Variants in FOXP2 observed in about 807,000 individuals in gnomAD.
FOXP2 encodes forkhead box protein P2.
Under a neutral mutation model 115.8 loss-of-function variants are expected in FOXP2, and 12 were observed. The ratio of observed to expected loss-of-function variants is 0.10; its 90% CI spans 0.07 to 0.17. The LOEUF (loss-of-function observed/expected upper bound fraction) is 0.17. FOXP2 is among the 10% of genes least tolerant of loss of function. The pLI is 1.00. For synonymous variants in FOXP2, 328 were observed against 297.7 expected, an observed-to-expected ratio of 1.10 and a Z score of -1.05; for missense variants, 629 against 843.5, an observed-to-expected ratio of 0.75 and a Z score of 3.15.
intron 1 of FOXP2, among the ~76,000 whole-genome samples, chr7:114,126,841 A>G (rs574528087): frequency 6.6e-6 from 1 of 152,116 alleles, no homozygotes; most frequent in African/African-American, 2.4e-5. Flanking sequence ...GATTCTCCCA[A>G]TTCTCTCTCT....
intron 3 of FOXP2, among the ~76,000 whole-genome samples, chr7:114,594,264 T>C (rs10265071): frequency 0.11 from 17,257 of 152,018 alleles, 1,078 homozygotes; most frequent in Middle Eastern, 0.18. Flanking sequence ...AGTTCACCTA[T>C]TAAATTTGCT....
At chr7:114,263,457 G>A (rs191251163) in intron 1 of FOXP2, among the ~76,000 whole-genome samples, 93 of 100,680 alleles carry the variant, frequency 9.2e-4, no homozygotes, top group Non-Finnish European at 1.4e-3. Flanking sequence ...TCCTTTTTTG[G>A]TGTTTTTGTT....
intron 3 of FOXP2, among the ~76,000 whole-genome samples, chr7:114,559,602 G>T (rs528165523): frequency 4.7e-4 from 71 of 152,202 alleles, no homozygotes; most frequent in Middle Eastern, 3.4e-3. Context: ...TCTTATTTTG[G>T]CTGGGCGCGG....
chr7:114,170,523 G>A (rs1051517047), intron 1 of FOXP2, among the ~76,000 whole-genome samples: 6 of 152,300 alleles, frequency 3.9e-5, no homozygotes, highest in African/African-American at 1.4e-4. Flanking sequence ...ATGACAAACA[G>A]CCCAAAGTTC....
At position 114,121,488 on chromosome 7, in the gene FOXP2, T is replaced by C. The variant is rs189730914; in HGVS notation, c.-247+33650T>C. ...CCTGAGAAGTCTATAGGAAATCTAA[T>C]TGAAGATACCTAGTTGGCAGTGGAT... On this transcript the variant is annotated intron_variant, in intron 1 of 19. Transcript: ENST00000635638. Among the ~76,000 whole-genome samples the C allele has an allele frequency of 1.6e-4, 25 of 152,238 alleles. No individual in the cohort carries two copies. The East Asian group carries it at 2.7e-3, about 16-fold the overall frequency.
At position 114,520,575 on chromosome 7, in the gene FOXP2, T is replaced by A. The variant is rs536713789; in HGVS notation, c.169-14042T>A. Among the ~76,000 whole-genome samples, 4 of 152,222 alleles carry A rather than the reference T, an allele frequency of 2.6e-5. No individual in the cohort carries two copies. The South Asian group carries it at 6.2e-4, about 24-fold the overall frequency. On this transcript the variant is annotated intron_variant, in intron 2 of 16. Coordinates refer to ENST00000350908, the MANE Select transcript of FOXP2 (RefSeq NM_014491.4). ...AAGGAGTTAGAAAATAAATATTAGT[T>A]AAATGAATGAGTGAAATATCTGGTA...
chr7:114,148,710 AATC>A (rs1317731188), intron 1 of FOXP2, among the ~76,000 whole-genome samples: 2 of 152,180 alleles, frequency 1.3e-5, no homozygotes, highest in East Asian at 3.8e-4. Context: ...CATGGCTATC[AATC>A]ACATATAATG....
chr7:114,270,716 T>C (rs549761434), intron 1 of FOXP2, among the ~76,000 whole-genome samples: 1 of 152,260 alleles, frequency 6.6e-6, no homozygotes, highest in South Asian at 2.1e-4. Flanking sequence ...TAACAGTCCT[T>C]TATTAAATGT....
intron 2 of FOXP2, among the ~76,000 whole-genome samples, chr7:114,533,533 T>C (rs971170242): frequency 4.6e-5 from 7 of 151,946 alleles, no homozygotes; most frequent in African/African-American, 1.7e-4. Context: ...AAATTGTACT[T>C]TTTATCAGCT....
chr7:114,647,336 C>T (rs1237415530), intron 8 of FOXP2, among the ~76,000 whole-genome samples: 2 of 151,008 alleles, frequency 1.3e-5, no homozygotes, highest in Non-Finnish European at 3.0e-5. Context: ...AGGACAGTTG[C>T]TTATGTATAA....
intron 2 of FOXP2, among the ~76,000 whole-genome samples, chr7:114,322,157 G>A (rs891649681): frequency 3.3e-5 from 5 of 151,380 alleles, no homozygotes; most frequent in Admixed American, 3.3e-4. Context: ...TGAGTAACTG[G>A]AATTACAGGT....
At chr7:114,610,605 AC>A (rs1803573989) in intron 3 of FOXP2, among the ~76,000 whole-genome samples, 1 of 152,120 alleles carries the variant, frequency 6.6e-6, no homozygotes, top group Admixed American at 6.5e-5. Flanking sequence ...TAGTCAGTAA[AC>A]CTTATTGAAC....
At chr7:114,288,566 T>G (rs1264044099) in intron 2 of FOXP2, among the ~76,000 whole-genome samples, 3 of 151,754 alleles carry the variant, frequency 2.0e-5, no homozygotes, top group East Asian at 1.9e-4. Flanking sequence ...AGTAATGAAT[T>G]TTTTTCTAGA....
chr7:114,437,655 A>G (rs999003532), intron 2 of FOXP2, among the ~76,000 whole-genome samples: 12 of 152,216 alleles, frequency 7.9e-5, no homozygotes, highest in African/African-American at 2.9e-4. Context: ...TTTTACTAAT[A>G]ATAAAAGGCT....
rs112872455 is a variant in FOXP2, at chr7:114,230,593, A to G, written c.-101-57426A>G. ...TATGCAAATCAATAAATGTGATATA[A>G]CACATTAACAGATTGAAAGATAAAA... is the stretch of plus-strand genomic sequence containing the variant. On this transcript the variant is annotated intron_variant, in intron 1 of 17. Transcript: ENST00000634411. Among the ~76,000 whole-genome samples, 307 of 152,154 alleles carry G rather than the reference A, an allele frequency of 2.0e-3. 1 individual carries two copies. The highest frequency in any genetic ancestry group is 7.0e-3 in the African/African-American group (292 of 41,570).
At chr7:114,111,965 G>A (rs1791278330) in intron 1 of FOXP2, among the ~76,000 whole-genome samples, 1 of 151,982 alleles carries the variant, frequency 6.6e-6, no homozygotes, top group Admixed American at 6.6e-5. Flanking sequence ...GTTGTGAACT[G>A]CTCTGATGGA....
In FOXP2 at chr7:114,478,185, A is replaced by G. The variant is rs114837537; in HGVS notation, c.168+51506A>G. Among the ~76,000 whole-genome samples, 674 of 152,012 alleles carry G rather than the reference A, an allele frequency of 4.4e-3. 8 individuals are homozygous for G. Among genetic ancestry groups the G allele is most frequent in the African/African-American group, 0.015 (629 of 41,524 alleles). ...TTATAGTAAAAGAGACTGAGTAAGTATATGTCAAAATAATCCATCATAATG... is the reference window on the plus strand; with the variant it reads ...TTATAGTAAAAGAGACTGAGTAAGTGTATGTCAAAATAATCCATCATAATG... On this transcript the variant is annotated intron_variant, in intron 2 of 16. Transcript: ENST00000350908.
chr7:114,445,949 T>A lies in FOXP2; in HGVS notation c.168+19270T>A, dbSNP rs113275967. 9.1e-3 allele frequency among the ~76,000 whole-genome samples: 1,388 copies of A among 152,202 alleles called. 10 individuals carry two copies. Among genetic ancestry groups the A allele is most frequent in the Non-Finnish European group, 0.013 (858 of 67,956 alleles). ...TTGTAGAGAACTATGTGTGTGACAA[T>A]GTAATAGCCAATCTGGTACTGTAAT... On this transcript the variant is annotated intron_variant, in intron 2 of 16. Coordinates refer to ENST00000350908, the MANE Select transcript of FOXP2 (RefSeq NM_014491.4).
chr7:114,421,215 T>A (rs1793604206), intron 1 of FOXP2, among the ~76,000 whole-genome samples: 1 of 151,608 alleles, frequency 6.6e-6, no homozygotes, highest in South Asian at 2.1e-4. Context: ...AATATTTTCA[T>A]AATTAAATAT....
Sources: allele counts gnomAD v4.1 joint callset (sites outside exome capture counted in the v4.1 genomes callset), GRCh38; gene constraint gnomAD v4.1.1; transcripts MANE v1.5; gene names NCBI Gene and HGNC (gene_info 2026-07-23, HGNC 2026-07-21).